The following GLS2 variants were observed in gnomAD, a reference collection of about 807,000 sequenced individuals.
GLS2 encodes glutaminase liver isoform, mitochondrial.
A neutral mutation model predicts 79.0 loss-of-function variants in GLS2; 52 were observed. That is an observed-to-expected ratio of 0.66 (90% CI 0.53 to 0.83). The LOEUF is 0.83. Ranked by LOEUF, GLS2 falls within the 40% of genes least tolerant of loss-of-function variation. The pLI is 0.00. For synonymous variants in GLS2, 238 were observed against 280.8 expected, an observed-to-expected ratio of 0.85 and a Z score of 1.52; for missense variants, 561 against 764.8, an observed-to-expected ratio of 0.73 and a Z score of 3.14.
chr12:56,473,413 A>G, intron 13 of GLS2, 50 bp downstream of exon 13: 2 of 1,604,212 alleles, frequency 1.2e-6, no homozygotes, highest in East Asian at 2.2e-5. Flanking sequence ...GTACCATTAA[A>G]CAAATTTATT....
At chr12:56,475,434 A>G in intron 9 of GLS2, 190 bp downstream of exon 9, 1 of 713,940 alleles carries the variant, frequency 1.4e-6, no homozygotes. Context: ...TGTACTAATT[A>G]GAAATGGAAC....
Position 56,476,265 on chromosome 12 carries a change from C to A in GLS2, c.838-288G>T, listed in dbSNP as rs147222384. 389 of 376,370 alleles carry A rather than the reference C, an allele frequency of 1.0e-3. 1 individual carries two copies. The highest frequency in any genetic ancestry group is 6.4e-3 in the Middle Eastern group (8 of 1,244). 23.3% of individuals were successfully genotyped at this position (376,370 alleles called of 1,614,324 possible). A position where few individuals can be genotyped will look rare whatever the true frequency, so the allele number is the denominator to read the frequency against. On this transcript the variant is annotated intron_variant, in intron 7 of 17. Coordinates refer to ENST00000311966, the MANE Select transcript of GLS2 (RefSeq NM_013267.4). ...GCAGCTTTGACCTCCCAGGCTCAAG[C>A]GATCCTCCCACTTCAGCCTCCAAGT... is the stretch of plus-strand genomic sequence containing the variant.
chr12:56,473,621 T>C lies in GLS2; in HGVS notation c.1225-27A>G, dbSNP rs371156629. On this transcript the variant is annotated intron_variant, in intron 12 of 17. Transcript: ENST00000311966. ...TGGGGAACAGAACTGAAGCTGAGGATAAAGTGGGTGTGCCCCAAATCAGAA... is the reference window on the plus strand; with the variant it reads ...TGGGGAACAGAACTGAAGCTGAGGACAAAGTGGGTGTGCCCCAAATCAGAA... 270 of 1,591,126 alleles carry C rather than the reference T, an allele frequency of 1.7e-4. No homozygotes were observed. In the African/African-American group the frequency reaches 2.7e-3, roughly 16 times the overall value.
chr12:56,483,451 G>A (rs1487237500), intron 1 of GLS2, among the ~76,000 whole-genome samples: 2 of 151,904 alleles, frequency 1.3e-5, no homozygotes, highest in Non-Finnish European at 2.9e-5. Flanking sequence ...ATTAATTATG[G>A]TATATTCATA....
rs1204602463 is a variant in GLS2 at position 56,473,019 on chromosome 12, A to G, written c.1449+209T>C. The G allele has an allele frequency of 1.2e-5, 7 of 596,390 alleles. 1 individual carries two copies. The Admixed American group carries it at 2.2e-4, about 19-fold the overall frequency. The allele number at this position is 596,390 out of a possible 1,614,324, so 36.9% of individuals were successfully genotyped here. A position where few individuals can be genotyped will look rare whatever the true frequency, so the allele number is the denominator to read the frequency against. On this transcript the variant is annotated intron_variant, in intron 14 of 17. Transcript: ENST00000311966. ...ATTCTCCTGCCTCAGCCTCCCAAGT[A>G]GCTGGGACCACAGGCGCGTGCCACC...
In GLS2 at chr12:56,477,943, G is replaced by A. The variant is rs753205050; in HGVS notation, c.768C>T (p.Leu256=). Residue 256 remains leucine, a synonymous_variant, in exon 6 of 18, where the codon CTC becomes CTT. Coordinates refer to ENST00000311966, the MANE Select transcript of GLS2 (RefSeq NM_013267.4). The stretch of plus-strand genomic sequence containing the variant: ...CTTGGTAGTGCTCACCTTCCTCATT[G>A]AGGGAGAGCTTGTTGTAGCGCAGGC... ...PSGLRYNKLS[L]NEEGIPHNPM... The A allele has an allele frequency of 6.2e-7, 1 of 1,613,216 alleles. No homozygotes were observed. The highest frequency in any genetic ancestry group is 8.5e-7 in the Non-Finnish European group (1 of 1,179,400).
chr12:56,474,294 G>T, intron 12 of GLS2: 1 of 479,150 alleles, frequency 2.1e-6, no homozygotes, highest in Admixed American at 3.4e-5. Flanking sequence ...TCACCATGTA[G>T]GTCAGGCTGG....
chr12:56,473,666 A>G, intron 12 of GLS2, 72 bp from the exon 13 acceptor site: 3 of 1,522,248 alleles, frequency 2.0e-6, no homozygotes, highest in Non-Finnish European at 2.6e-6. Flanking sequence ...GTTAGGCTGT[A>G]CTCTTAACAA....
At chr12:56,483,449 T>A (rs1870455828) in intron 1 of GLS2, among the ~76,000 whole-genome samples, 1 of 152,138 alleles carries the variant, frequency 6.6e-6, no homozygotes, top group African/African-American at 2.4e-5. Context: ...TGATTAATTA[T>A]GGTATATTCA....
At chr12:56,484,731 ATGGATGGATCACCAATGTAATG>A (rs1227084013) in intron 1 of GLS2, among the ~76,000 whole-genome samples, 2 of 152,360 alleles carry the variant, frequency 1.3e-5, no homozygotes, top group East Asian at 3.9e-4. Context: ...TCCCTCAGAT[ATGGATGGATCACCAATGTAATG>A]TTGAGGGAAA....
chr12:56,473,044 C>T, intron 14 of GLS2, 184 bp downstream of exon 14: 1 of 622,826 alleles, frequency 1.6e-6, no homozygotes, highest in Non-Finnish European at 2.7e-6. Context: ...CGCGTGCCAC[C>T]ACGTCTGGCT....
chr12:56,475,085 C>T lies in GLS2; in HGVS notation c.955G>A (p.Asp319Asn). Residue 319 changes from aspartate (D) to asparagine (N), a missense_variant, in exon 10 of 18, where the codon GAT becomes AAT. Around this residue, in one of 4 missense-constraint regions of GLS2, gnomAD observed 221 missense variants for 275.6 expected, o/e 0.80. Transcript: ENST00000311966. ...TAATAGCCGATGGCATAATTCCGAT[C>T]CCCTGTTTCCTTCTCTGACTGGAAT... ...ATFQSEKETG[D>N]RNYAIGYYLK... The T allele has an allele frequency of 6.2e-7, 1 of 1,614,158 alleles. No homozygotes were observed. Among genetic ancestry groups the T allele is most frequent in the Non-Finnish European group, 8.5e-7 (1 of 1,180,040 alleles).
At chr12:56,474,993 C>T (rs1248214647) in intron 10 of GLS2, 51 bp downstream of exon 10, 1 of 1,613,922 alleles carries the variant, frequency 6.2e-7, no homozygotes, top group East Asian at 2.2e-5. Context: ...ACTGCCCTTC[C>T]ACTAGCAGCA....
intron 1 of GLS2, 146 bp from the exon 2 acceptor site, chr12:56,480,533 C>T (rs997852468): frequency 3.0e-6 from 2 of 658,456 alleles, no homozygotes; most frequent in East Asian, 5.5e-5. Context: ...ATAAATCTAA[C>T]TTTCATGTCT....
chr12:56,475,807 T>A, intron 8 of GLS2, 125 bp from the exon 9 acceptor site: 1 of 1,401,526 alleles, frequency 7.1e-7, no homozygotes, highest in Non-Finnish European at 1.0e-6. Flanking sequence ...GGCCAGCAGA[T>A]TTCCACATTT....
intron 4 of GLS2, 140 bp from the exon 5 acceptor site, chr12:56,478,402 C>CT: frequency 1.2e-6 from 1 of 815,146 alleles, no homozygotes; most frequent in Non-Finnish European, 2.0e-6. Context: ...CTGCCTGTTG[C>CT]TCCCAGAAAT....
At position 56,471,317 on chromosome 12, in the gene GLS2, G is replaced by T; in HGVS notation, c.*170C>A. ...GGCCCTTCTCTGTACTCTGTCTGCT[G>T]AGGGAATGGGGTATTTTGACTCCCA... On this transcript the variant is annotated 3_prime_UTR_variant, in exon 18 of 18. Transcript: ENST00000311966. The T allele has an allele frequency of 1.5e-6, 1 of 664,182 alleles. No individual in the cohort carries two copies. Among genetic ancestry groups the T allele is most frequent in the Non-Finnish European group, 2.5e-6 (1 of 401,678 alleles). The allele number at this position is 664,182 out of a possible 1,614,324, so 41.1% of individuals were successfully genotyped here.
intron 6 of GLS2, 39 bp downstream of exon 6, chr12:56,477,894 G>A (rs1181505403): frequency 3.8e-6 from 6 of 1,594,446 alleles, no homozygotes; most frequent in South Asian, 1.1e-5. Flanking sequence ...AGGAGAAGGG[G>A]ACAGCTGTAA....
chr12:56,488,023 A>T lies in GLS2; in HGVS notation c.96T>A (p.Leu32=). 6.3e-7 allele frequency: 1 copy of T among 1,597,360 alleles called. No individual in the cohort carries two copies. The change falls in exon 1 of 18, where the codon CTT becomes CTA. Residue 32 remains leucine, a synonymous_variant. Coordinates refer to ENST00000311966, the MANE Select transcript of GLS2 (RefSeq NM_013267.4). ...GWGHPSRSPL[L]GGGVRHHLSE... ...TGAGGTGGTGCCGGACGCCCCCGCC[A>T]AGGAGGGGGCTCCGGCTCGGGTGAC...
Sources: allele counts gnomAD v4.1 joint callset (sites outside exome capture counted in the v4.1 genomes callset), GRCh38; gene constraint gnomAD v4.1.1; regional missense constraint gnomAD v4.1.1; transcripts MANE v1.5; gene names NCBI Gene and HGNC (gene_info 2026-07-23, HGNC 2026-07-21).